The following ATP10D variants were observed in gnomAD, a reference collection of about 807,000 sequenced individuals.
The protein encoded by ATP10D is ATPase phospholipid transporting 10D (putative).
Under a neutral mutation model 144.8 loss-of-function variants are expected in ATP10D, and 89 were observed. The ratio of observed to expected loss-of-function variants is 0.61; its 90% CI spans 0.52 to 0.73. ATP10D has a LOEUF of 0.73. Among genes scored for constraint, ATP10D ranks in the 30% least tolerant of loss-of-function variants. The pLI, the probability that ATP10D is intolerant of heterozygous loss-of-function variation, is 0.00. For synonymous variants in ATP10D, 571 were observed against 615.1 expected (o/e 0.93, Z 1.06); for missense variants, 1,603 against 1,714.8 (o/e 0.93, Z 1.15).
At chr4:47,548,551 T>C (rs28414421) in intron 10 of ATP10D, among the ~76,000 whole-genome samples, 36,207 of 152,092 alleles carry the variant, frequency 0.24, 4,319 homozygotes, top group Admixed American at 0.3. Context: ...AAGGCTGGCA[T>C]GTCCATTCTC....
chr4:47,561,110 G>T (rs1719273945), intron 14 of ATP10D, 35 bp downstream of exon 14: 4 of 1,611,654 alleles, frequency 2.5e-6, no homozygotes, highest in African/African-American at 1.3e-5. Context: ...CTGAATGGAG[G>T]ATTTTGAAAA....
intron 9 of ATP10D, among the ~76,000 whole-genome samples, chr4:47,541,274 A>C (rs985279583): frequency 6.6e-6 from 1 of 152,200 alleles, no homozygotes; most frequent in Non-Finnish European, 1.5e-5. Context: ...CTATCTCTTA[A>C]GGAGCTCATG....
At chr4:47,559,956 C>T (rs750171405) in intron 13 of ATP10D, among the ~76,000 whole-genome samples, 1 of 152,014 alleles carries the variant, frequency 6.6e-6, no homozygotes, top group Non-Finnish European at 1.5e-5. Flanking sequence ...ACTGAGATTG[C>T]GCCACTGCAC....
intron 9 of ATP10D, among the ~76,000 whole-genome samples, chr4:47,538,510 A>G (rs1717961634): frequency 6.6e-6 from 1 of 152,190 alleles, no homozygotes; most frequent in South Asian, 2.1e-4. Flanking sequence ...ACAAATCACC[A>G]CAAACCATAA....
chr4:47,540,940 T>A (rs1354549637), intron 9 of ATP10D, among the ~76,000 whole-genome samples: 1 of 152,200 alleles, frequency 6.6e-6, no homozygotes, highest in African/African-American at 2.4e-5. Flanking sequence ...ACATTTATGA[T>A]GCACAATTTG....
intron 17 of ATP10D, among the ~76,000 whole-genome samples, 162 bp downstream of exon 17, chr4:47,572,392 A>G (rs1360454352): frequency 6.6e-6 from 1 of 151,866 alleles, no homozygotes; most frequent in Non-Finnish European, 1.5e-5. Context: ...TTTTTTTACT[A>G]GGTGAGTATT....
intron 18 of ATP10D, 102 bp downstream of exon 18, chr4:47,573,099 A>G (rs969046906): frequency 7.2e-7 from 1 of 1,385,844 alleles, no homozygotes; most frequent in African/African-American, 1.4e-5. Context: ...CACTTTCCTT[A>G]TTGATGTATT....
intron 1 of ATP10D, among the ~76,000 whole-genome samples, chr4:47,502,161 T>C (rs949058687): frequency 8.5e-5 from 13 of 152,172 alleles, no homozygotes; most frequent in Admixed American, 7.2e-4. Flanking sequence ...CAGTGAATAA[T>C]TGGACATGTG....
At position 47,561,322 on chromosome 4, in the gene ATP10D, C is replaced by T. The variant is rs143926128; in HGVS notation, c.2668+247C>T. ...AGATCATGTAAAATCCAACACTTAA[C>T]ATAGACTACAAAGCCAAGTAAATGT... On this transcript the variant is annotated intron_variant, in intron 14 of 22. Coordinates refer to ENST00000273859, the MANE Select transcript of ATP10D (RefSeq NM_020453.4). 2.8e-4 allele frequency among the ~76,000 whole-genome samples: 42 copies of T among 152,314 alleles called. No individual in the cohort carries two copies. In the East Asian group the frequency reaches 6.9e-3, roughly 25 times the overall value.
chr4:47,530,154 A>G (rs553744658), intron 5 of ATP10D, among the ~76,000 whole-genome samples: 1 of 152,048 alleles, frequency 6.6e-6, no homozygotes, highest in Admixed American at 6.6e-5. Flanking sequence ...CTCTTGCCTG[A>G]TTGCTCTGGT....
At chr4:47,568,130 T>G (rs1294663671) in intron 15 of ATP10D, among the ~76,000 whole-genome samples, 1 of 152,250 alleles carries the variant, frequency 6.6e-6, no homozygotes, top group Non-Finnish European at 1.5e-5. Flanking sequence ...AAGTGATAAC[T>G]GCCTTTAAAG....
intron 1 of ATP10D, among the ~76,000 whole-genome samples, chr4:47,488,534 C>T (rs1281768753): frequency 7.2e-5 from 10 of 139,480 alleles, no homozygotes; most frequent in African/African-American, 2.4e-4. Context: ...CCTAATATTC[C>T]AAAATCTTTT....
chr4:47,522,929 C>A, intron 3 of ATP10D, 83 bp from the exon 4 acceptor site: 1 of 1,130,570 alleles, frequency 8.8e-7, no homozygotes. Flanking sequence ...TTAAATTATA[C>A]GCTAAAAAAT....
rs911226254 is a variant in ATP10D, at chr4:47,543,182, A to G, written c.1397-3442A>G. Among the ~76,000 whole-genome samples the G allele has an allele frequency of 1.2e-4, 18 of 152,312 alleles. No homozygotes were observed. The East Asian group carries it at 2.3e-3, about 20-fold the overall frequency. On this transcript the variant is annotated intron_variant, in intron 9 of 22. Coordinates refer to ENST00000273859, the MANE Select transcript of ATP10D (RefSeq NM_020453.4). ...TAGTTATTGTTGTTAATCTTTTACT[A>G]TGCCTAATTTATAAGTTAACATTTA...
intron 9 of ATP10D, among the ~76,000 whole-genome samples, chr4:47,544,275 C>T (rs1479733715): frequency 1.3e-5 from 2 of 152,166 alleles, no homozygotes; most frequent in African/African-American, 4.8e-5. Context: ...ACATTCTGCA[C>T]ATGTAATCTA....
intron 18 of ATP10D, among the ~76,000 whole-genome samples, chr4:47,575,263 G>A (rs1166995979): frequency 6.6e-6 from 1 of 152,150 alleles, no homozygotes; most frequent in Non-Finnish European, 1.5e-5. Flanking sequence ...CCAGCCTTGA[G>A]ACAAAACTCT....
At chr4:47,544,828 T>C (rs970854213) in intron 9 of ATP10D, among the ~76,000 whole-genome samples, 2 of 152,204 alleles carry the variant, frequency 1.3e-5, no homozygotes, top group African/African-American at 2.4e-5. Flanking sequence ...TATAGCTAAA[T>C]AGAGAAGACT....
chr4:47,568,937 C>G lies in ATP10D; in HGVS notation c.2954C>G (p.Pro985Arg). 1.2e-6 allele frequency: 2 copies of G among 1,614,134 alleles called. No homozygotes were observed. Among genetic ancestry groups the G allele is most frequent in the Non-Finnish European group, 1.7e-6 (2 of 1,180,032 alleles). ...QVSLSEDLLQPPVPRDSGLRA... is the reference protein window; with the variant it reads ...QVSLSEDLLQRPVPRDSGLRA... ...TCATTAAGTGAAGATTTACTTCAGCCTCCTGTCCCCCGGGACTCAGGGTTA... is the reference window on the plus strand; with the variant it reads ...TCATTAAGTGAAGATTTACTTCAGCGTCCTGTCCCCCGGGACTCAGGGTTA... The change falls in exon 16 of 23, where the codon CCT becomes CGT. Residue 985 changes from proline to arginine, a missense_variant. Coordinates refer to ENST00000273859, the MANE Select transcript of ATP10D (RefSeq NM_020453.4).
At chr4:47,588,693 A>G (rs1476253318) in intron 22 of ATP10D, among the ~76,000 whole-genome samples, 2 of 152,196 alleles carry the variant, frequency 1.3e-5, no homozygotes, top group African/African-American at 2.4e-5. Context: ...GAGTTACTCA[A>G]TGGTACTTAT....
Sources: gnomAD v4.1 joint callset for allele counts (sites outside exome capture counted in the v4.1 genomes callset) on GRCh38, gnomAD v4.1.1 for gene constraint, MANE v1.5 for transcripts, NCBI Gene and HGNC (gene_info 2026-07-23, HGNC 2026-07-21) for gene names.